Variants in RCOR1 observed in about 807,000 individuals in gnomAD.
RCOR1 encodes REST corepressor.
In RCOR1, 12 loss-of-function variants were observed where a neutral mutation model predicts 64.0. That is an observed-to-expected ratio of 0.19 (90% CI 0.12 to 0.30). The LOEUF (loss-of-function observed/expected upper bound fraction) is 0.30. RCOR1 is among the 10% of genes least tolerant of loss of function. The probability of loss-of-function intolerance (pLI) is 1.00; values close to 1 mark genes in which losing one functional copy is unlikely to be tolerated. For synonymous variants in RCOR1, 279 were observed against 227.2 expected (o/e 1.23, Z -2.05); for missense variants, 502 against 621.2 (o/e 0.81, Z 2.04).
intron 3 of RCOR1, among the ~76,000 whole-genome samples, chr14:102,697,608 C>T (rs1895674671): frequency 1.3e-5 from 2 of 152,154 alleles, no homozygotes; most frequent in South Asian, 4.1e-4. Flanking sequence ...CTTACTTCAT[C>T]ACAACCTTCC....
chr14:102,678,962 T>A (rs116811415), intron 2 of RCOR1, among the ~76,000 whole-genome samples: 3,557 of 152,308 alleles, frequency 0.023, 134 homozygotes, highest in African/African-American at 0.076. Flanking sequence ...TTGGCCATTT[T>A]AAAAAAATTG....
chr14:102,614,623 T>C (rs1893713203), intron 2 of RCOR1, among the ~76,000 whole-genome samples: 1 of 152,162 alleles, frequency 6.6e-6, no homozygotes, highest in Non-Finnish European at 1.5e-5. Context: ...GTTGCTTAGT[T>C]CTCTGCTTGC....
chr14:102,656,164 G>C (rs1894719928), intron 2 of RCOR1: 2 of 949,522 alleles, frequency 2.1e-6, no homozygotes, highest in African/African-American at 1.8e-5. Flanking sequence ...TTTGGAGACA[G>C]AGTCTCGCTG....
chr14:102,676,773 C>T (rs1895173830), intron 2 of RCOR1, among the ~76,000 whole-genome samples: 2 of 90,742 alleles, frequency 2.2e-5, no homozygotes, highest in Non-Finnish European at 4.5e-5. Flanking sequence ...GCTGGCCGGG[C>T]AGAGGGGTCC....
chr14:102,617,818 G>C (rs1294553263), intron 2 of RCOR1, among the ~76,000 whole-genome samples: 1 of 151,842 alleles, frequency 6.6e-6, no homozygotes, highest in Non-Finnish European at 1.5e-5. Flanking sequence ...TCGAACTCCT[G>C]ACCTTGTGAT....
At position 102,593,301 on chromosome 14, in the gene RCOR1, G is replaced by A; in HGVS notation, c.337G>A (p.Ala113Thr). 1 of 1,549,792 alleles carries A rather than the reference G, an allele frequency of 6.5e-7. No homozygotes were observed. Among genetic ancestry groups the A allele is most frequent in the Non-Finnish European group, 8.7e-7 (1 of 1,154,302 alleles). Reference sequence around the variant, plus strand: ...CATGAGGGTCGGACCCCAGTACCAGGCGGTGGTGCCCGACTTCGACCCCGG... The same window carrying A: ...CATGAGGGTCGGACCCCAGTACCAGACGGTGGTGCCCGACTTCGACCCCGG... ...GGMRVGPQYQ[A>T]VVPDFDPAKL... The change falls in exon 2 of 12, where the codon GCG (alanine) becomes ACG (threonine). Residue 113 changes from alanine to threonine, a missense_variant. Ala to Thr is a moderately conservative substitution (Grantham distance 58). Transcript: ENST00000262241.
At chr14:102,712,948 T>G (rs1015528960) in intron 7 of RCOR1, among the ~76,000 whole-genome samples, 6 of 43,610 alleles carry the variant, frequency 1.4e-4, no homozygotes, top group African/African-American at 1.2e-3. Context: ...TAAATCATTG[T>G]TTTTTTTTTT....
rs1295435707 is a variant in RCOR1 at position 102,674,844 on chromosome 14, G to T, written c.362-7051G>T. Among the ~76,000 whole-genome samples, 11 of 152,028 alleles carry T rather than the reference G, an allele frequency of 7.2e-5. No homozygotes were observed. In the East Asian group the frequency reaches 2.1e-3, roughly 29 times the overall value. ...AATCCCAGCACTTTGGGAGGCCGAG[G>T]CGGGCGGATCATGAGACCATCCTGG... On this transcript the variant is annotated intron_variant, in intron 2 of 11. Transcript: ENST00000262241.
At chr14:102,648,059 A>G (rs753799543) in intron 2 of RCOR1, among the ~76,000 whole-genome samples, 8 of 152,072 alleles carry the variant, frequency 5.3e-5, no homozygotes, top group Non-Finnish European at 1.0e-4. Flanking sequence ...TGTCCTTTTG[A>G]CAAATATCTA....
chr14:102,698,530 G>A (rs1411801237), intron 3 of RCOR1, among the ~76,000 whole-genome samples: 1 of 152,194 alleles, frequency 6.6e-6, no homozygotes, highest in African/African-American at 2.4e-5. Flanking sequence ...TTCATTTGTT[G>A]TTCATTCACC....
intron 11 of RCOR1, among the ~76,000 whole-genome samples, chr14:102,723,913 TA>T (rs1896212816): frequency 6.6e-6 from 1 of 152,192 alleles, no homozygotes; most frequent in African/African-American, 2.4e-5. Flanking sequence ...ACAAATCTCA[TA>T]GTAAATTTAG....
intron 3 of RCOR1, among the ~76,000 whole-genome samples, chr14:102,693,265 T>TTC (rs932730050): frequency 1.3e-5 from 2 of 152,166 alleles, no homozygotes; most frequent in Admixed American, 1.3e-4. Flanking sequence ...GTATGACTAT[T>TTC]TCTCTCTCTC....
intron 2 of RCOR1, among the ~76,000 whole-genome samples, chr14:102,594,945 A>G (rs1277955511): frequency 6.6e-6 from 1 of 152,154 alleles, no homozygotes; most frequent in African/African-American, 2.4e-5. Context: ...TTTTTGATAC[A>G]TTTTTGTTAA....
chr14:102,698,925 C>CT lies in RCOR1; in HGVS notation c.446-2342dup, dbSNP rs59244779. Among the ~76,000 whole-genome samples the CT allele has an allele frequency of 4.0e-3, 586 of 147,064 alleles. 7 individuals are homozygous for CT. The East Asian group carries it at 0.05, about 12-fold the overall frequency. On this transcript the variant is annotated intron_variant, in intron 3 of 11. Transcript: ENST00000262241. ...ACTTTGGAGTAATTCCCTGCCCTGC[C>CT]TTTTTTTTTTTGAGATGAAGTCTTG... is the stretch of plus-strand genomic sequence containing the variant.
At chr14:102,693,330 A>G (rs572770900) in intron 3 of RCOR1, among the ~76,000 whole-genome samples, 1 of 151,486 alleles carries the variant, frequency 6.6e-6, no homozygotes, top group South Asian at 2.1e-4. Flanking sequence ...AATCACAGCT[A>G]TCAAAGCAGC....
At chr14:102,595,932 T>C (rs114726671) in intron 2 of RCOR1, among the ~76,000 whole-genome samples, 3,561 of 149,118 alleles carry the variant, frequency 0.024, 133 homozygotes, top group African/African-American at 0.077. Context: ...CTAACTGGTG[T>C]AAAGTAATTT....
chr14:102,713,803 A>T (rs1447971671), intron 7 of RCOR1, among the ~76,000 whole-genome samples: 1 of 152,244 alleles, frequency 6.6e-6, no homozygotes, highest in African/African-American at 2.4e-5. Context: ...TTTCAGCTTT[A>T]TCAGTGAATG....
In RCOR1 at chr14:102,593,118, C is replaced by T; in HGVS notation, c.232C>T (p.Pro78Ser). 4 of 1,511,496 alleles carry T rather than the reference C, an allele frequency of 2.6e-6. No individual in the cohort carries two copies. Among genetic ancestry groups the T allele is most frequent in the Non-Finnish European group, 2.6e-6 (3 of 1,134,648 alleles). 93.6% of individuals were successfully genotyped at this position (1,511,496 alleles called of 1,614,324 possible). Residue 78 changes from proline (P) to serine (S), a missense_variant, in exon 1 of 12, where the codon CCC (proline) becomes TCC (serine). Coordinates refer to ENST00000262241, the MANE Select transcript of RCOR1 (RefSeq NM_015156.4). ...GQNKSLAAAA[P>S]NGNSSSNSWE... The stretch of plus-strand genomic sequence containing the variant: ...GAATAAAAGTTTGGCGGCGGCGGCG[C>T]CCAATGGCAACAGCAGCAGCAACTC...
At chr14:102,634,054 C>G (rs1041751395) in intron 2 of RCOR1, among the ~76,000 whole-genome samples, 8 of 151,968 alleles carry the variant, frequency 5.3e-5, no homozygotes, top group African/African-American at 1.9e-4. Context: ...TCTGTCTTTC[C>G]TGAAACATGT....
Sources: gnomAD v4.1 joint callset for allele counts (sites outside exome capture counted in the v4.1 genomes callset) on GRCh38, gnomAD v4.1.1 for gene constraint, MANE v1.5 for transcripts, NCBI Gene and HGNC (gene_info 2026-07-23, HGNC 2026-07-21) for gene names.